Variants in EPB41L1 observed in about 807,000 individuals in gnomAD.
EPB41L1 encodes erythrocyte membrane protein band 4.1 like 1.
In EPB41L1, 29 loss-of-function variants were observed where a neutral mutation model predicts 97.8. That is an observed-to-expected ratio of 0.30 (90% CI 0.22 to 0.40). The LOEUF is 0.40. EPB41L1 is among the 10% of genes least tolerant of loss of function. The pLI is 1.00. For synonymous variants in EPB41L1, 383 were observed against 459.2 expected (o/e 0.83, Z 2.12); for missense variants, 812 against 1,162.3 (o/e 0.70, Z 4.38).
At chr20:36,161,423 A>G (rs1251070671) in intron 1 of EPB41L1, among the ~76,000 whole-genome samples, 2 of 150,118 alleles carry the variant, frequency 1.3e-5, no homozygotes, top group Non-Finnish European at 1.5e-5. Context: ...CTGTTTTTCT[A>G]TTTTTTCTTT....
intron 1 of EPB41L1, among the ~76,000 whole-genome samples, chr20:36,160,043 T>G (rs2060466674): frequency 6.6e-6 from 1 of 152,198 alleles, no homozygotes; most frequent in African/African-American, 2.4e-5. Flanking sequence ...CATGATGTGA[T>G]GTCATTAATG....
At position 36,195,304 on chromosome 20, in the gene EPB41L1, T is replaced by C. The variant is rs1318218658; in HGVS notation, c.1450-25T>C. The C allele has an allele frequency of 1.2e-6, 2 of 1,614,032 alleles. No individual in the cohort carries two copies. Among genetic ancestry groups the C allele is most frequent in the Admixed American group, 1.7e-5 (1 of 60,020 alleles). On this transcript the variant is annotated intron_variant, in intron 12 of 21. Coordinates refer to ENST00000338074, the MANE Select transcript of EPB41L1 (RefSeq NM_012156.2). The surrounding 1 kb of genome is among the most constrained non-coding windows in gnomAD (Gnocchi z 4.6). ...CTGCTCTACTGACCCTGCTGCTTTC[T>C]TTCCCTCCTACCACATCCCACTAGC...
intron 13 of EPB41L1, among the ~76,000 whole-genome samples, chr20:36,197,073 A>T (rs2062241180): frequency 6.6e-6 from 1 of 152,070 alleles, no homozygotes; most frequent in African/African-American, 2.4e-5. Context: ...TAGTTTCTCT[A>T]TCTGGCTGTA....
intron 1 of EPB41L1, among the ~76,000 whole-genome samples, chr20:36,167,252 T>C (rs1055564265): frequency 2.0e-5 from 3 of 151,994 alleles, no homozygotes; most frequent in Non-Finnish European, 4.4e-5. Context: ...GGAAAGCCAA[T>C]GTGACAGGCT....
chr20:36,216,046 CTG>C (rs2063422416), intron 17 of EPB41L1, among the ~76,000 whole-genome samples: 1 of 152,186 alleles, frequency 6.6e-6, no homozygotes, highest in Admixed American at 6.5e-5. Flanking sequence ...CGAAAGCAAT[CTG>C]TGCAAAGCCC....
intron 1 of EPB41L1, among the ~76,000 whole-genome samples, chr20:36,111,374 A>T (rs555168098): frequency 6.6e-5 from 10 of 152,216 alleles, no homozygotes; most frequent in African/African-American, 2.2e-4. Flanking sequence ...TTCTCCCTCC[A>T]AGTCTCCTGC....
rs879359 is a variant in EPB41L1 at position 36,184,557 on chromosome 20, C to T, written c.567-560C>T. Reference sequence around the variant, plus strand: ...GCAGGTTCATCTGGGACATGGAATACAATGTGGAAGTTAAAATGAATGGGG... The same window carrying T: ...GCAGGTTCATCTGGGACATGGAATATAATGTGGAAGTTAAAATGAATGGGG... On this transcript the variant is annotated intron_variant, in intron 6 of 21. Transcript: ENST00000338074. 3.0e-3 allele frequency among the ~76,000 whole-genome samples: 452 copies of T among 152,196 alleles called. 6 individuals carry two copies. Among genetic ancestry groups the T allele is most frequent in the African/African-American group, 0.01 (429 of 41,526 alleles).
chr20:36,109,180 G>A (rs1043384544), intron 1 of EPB41L1, among the ~76,000 whole-genome samples: 16 of 151,870 alleles, frequency 1.1e-4, no homozygotes, highest in African/African-American at 3.1e-4. Flanking sequence ...ATCTCCTGAC[G>A]TCATGATCCG....
chr20:36,192,270 C>T (rs1217717626), intron 11 of EPB41L1, among the ~76,000 whole-genome samples: 2 of 151,944 alleles, frequency 1.3e-5, no homozygotes, highest in Non-Finnish European at 2.9e-5. Flanking sequence ...CAGTGGCTCA[C>T]ACCTATAATC....
chr20:36,144,494 C>T (rs966729743), intron 2 of EPB41L1, among the ~76,000 whole-genome samples: 3 of 152,240 alleles, frequency 2.0e-5, no homozygotes, highest in Non-Finnish European at 2.9e-5. Flanking sequence ...ACCCATGGGG[C>T]ATCTCCTGAC....
rs1243751864 is a variant in EPB41L1, at chr20:36,177,820, GA to G, written c.343-131del. On this transcript the variant is annotated intron_variant, in intron 3 of 21. Transcript: ENST00000338074. Reference sequence around the variant, plus strand: ...GAGGGCAGAGCCAAGTGGGTGGCAGGAGCGCTGCATTCCTGTCCAGACACCG... The same window carrying G: ...GAGGGCAGAGCCAAGTGGGTGGCAGGGCGCTGCATTCCTGTCCAGACACCG... 4.0e-6 allele frequency: 3 copies of G among 743,424 alleles called. No individual in the cohort carries two copies. The African/African-American group carries it at 5.2e-5, about 13-fold the overall frequency. The allele number at this position is 743,424 out of a possible 1,614,324, so 46.1% of individuals were successfully genotyped here.
intron 2 of EPB41L1, chr20:36,122,780 T>A (rs1177734883): frequency 6.6e-6 from 1 of 152,320 alleles, no homozygotes; most frequent in African/African-American, 2.4e-5. Flanking sequence ...CTTTCCCTTC[T>A]TGGACCTCAG....
rs2058513252 is a variant in EPB41L1 at position 36,114,209 on chromosome 20, T to G, written c.-10+1729T>G. 2.6e-5 allele frequency among the ~76,000 whole-genome samples: 4 copies of G among 151,624 alleles called. No individual in the cohort carries two copies. In the South Asian group the frequency reaches 8.4e-4, roughly 32 times the overall value. ...TTTCTAAGTGTCAATTAGAATAGAG[T>G]TTTTCAAATCTCTTTGGGCAACAGA... On this transcript the variant is annotated intron_variant, in intron 2 of 19. Transcript: ENST00000202028.
intron 1 of EPB41L1, among the ~76,000 whole-genome samples, chr20:36,106,168 C>A (rs964232600): frequency 7.2e-5 from 11 of 152,228 alleles, no homozygotes; most frequent in African/African-American, 2.7e-4. Flanking sequence ...GGTGGGGGAA[C>A]TAAGGATGGT....
chr20:36,228,548 G>A (rs1415350971), intron 21 of EPB41L1, among the ~76,000 whole-genome samples: 1 of 152,176 alleles, frequency 6.6e-6, no homozygotes, highest in African/African-American at 2.4e-5. Context: ...TTGCACTCCA[G>A]CCTGAGCAAC....
At chr20:36,215,647 A>G (rs1012379268) in intron 17 of EPB41L1, among the ~76,000 whole-genome samples, 1 of 152,174 alleles carries the variant, frequency 6.6e-6, no homozygotes, top group African/African-American at 2.4e-5. Flanking sequence ...GGATGCTTGT[A>G]GGGCTAAATT....
chr20:36,142,037 A>C (rs560150054), intron 2 of EPB41L1, among the ~76,000 whole-genome samples: 2 of 150,752 alleles, frequency 1.3e-5, no homozygotes, highest in Admixed American at 6.7e-5. Flanking sequence ...TGAACCCAGG[A>C]GGCGGAGGTT....
intron 1 of EPB41L1, among the ~76,000 whole-genome samples, chr20:36,173,169 T>C (rs1421508843): frequency 1.3e-5 from 2 of 152,224 alleles, no homozygotes; most frequent in African/African-American, 4.8e-5. Flanking sequence ...TCTTTTGACT[T>C]TTACATCGTC....
At chr20:36,177,605 T>TA (rs2061301956) in intron 3 of EPB41L1, among the ~76,000 whole-genome samples, 1 of 152,214 alleles carries the variant, frequency 6.6e-6, no homozygotes, top group Non-Finnish European at 1.5e-5. Flanking sequence ...CTTGCTTTTC[T>TA]GCCCCTTCGG....
Sources: gnomAD v4.1 joint callset for allele counts (sites outside exome capture counted in the v4.1 genomes callset) on GRCh38, gnomAD v4.1.1 for gene constraint, Gnocchi (gnomAD v3.1) non-coding constraint, MANE v1.5 for transcripts, NCBI Gene and HGNC (gene_info 2026-07-23, HGNC 2026-07-21) for gene names.